The following CAP1 variants were observed in gnomAD, a reference collection of about 807,000 sequenced individuals.
The protein encoded by CAP1 is adenylyl cyclase-associated protein 1.
Under a neutral mutation model 58.2 loss-of-function variants are expected in CAP1, and 11 were observed. The ratio of observed to expected loss-of-function variants is 0.19; its 90% confidence interval spans 0.12 to 0.31. The LOEUF is 0.31. Among genes scored for constraint, CAP1 ranks in the 10% least tolerant of loss-of-function variants. The pLI is 1.00. For synonymous variants in CAP1, 183 were observed against 213.8 expected, an observed-to-expected ratio of 0.86 and a Z score of 1.26; for missense variants, 423 against 587.5, an observed-to-expected ratio of 0.72 and a Z score of 2.89.
In CAP1 at chr1:40,071,664, C is replaced by A; in HGVS notation, c.*131C>A. 1.6e-6 allele frequency: 1 copy of A among 623,288 alleles called. No homozygotes were observed. 38.6% of individuals were successfully genotyped at this position (623,288 alleles called of 1,614,324 possible). A position where few individuals can be genotyped will look rare whatever the true frequency, so the allele number is the denominator to read the frequency against. ...TTCTCTGCTCTGAGAAGCACAGCTA[C>A]CTGCCTTCACTGAAATATACCTCAG... On this transcript the variant is annotated 3_prime_UTR_variant, in exon 13 of 13. Transcript: ENST00000372805.
intron 1 of CAP1, among the ~76,000 whole-genome samples, chr1:40,058,317 C>T (rs781415117): frequency 1.8e-4 from 27 of 152,204 alleles, no homozygotes; most frequent in Admixed American, 1.2e-3. Flanking sequence ...TATTACTCCC[C>T]TCTTTGAAAT....
Position 40,067,677 on chromosome 1 carries a change from AC to A in CAP1, c.769del (p.Leu257CysfsTer15). 1 of 1,595,764 alleles carries A rather than the reference AC, an allele frequency of 6.3e-7. No homozygotes were observed. Among genetic ancestry groups the A allele is most frequent in the Non-Finnish European group, 8.5e-7 (1 of 1,171,406 alleles). ...CSYESASRSSLFAQINQGESI... is the reference protein window; with the variant it reads ...CSYESASRSSXFAQINQGESI... The stretch of plus-strand genomic sequence containing the variant: ...CATATGAGTCTGCTTCCCGCTCATC[AC>A]TGTTCGCGCAGATTAATCAGGGGGA... On this transcript the variant is annotated frameshift_variant, in exon 8 of 13. Coordinates refer to ENST00000372805, the MANE Select transcript of CAP1 (RefSeq NM_006367.4). LOFTEE classifies it high-confidence loss of function.
chr1:40,061,925 T>C (rs953865446), intron 4 of CAP1, 113 bp downstream of exon 4: 16 of 810,056 alleles, frequency 2.0e-5, no homozygotes, highest in Non-Finnish European at 2.5e-5. Flanking sequence ...TTTGATAATA[T>C]ATGTTCATAC....
chr1:40,054,818 TTTA>T (rs1371893238), intron 1 of CAP1, among the ~76,000 whole-genome samples: 1 of 151,958 alleles, frequency 6.6e-6, no homozygotes, highest in East Asian at 1.9e-4. Flanking sequence ...TTTTTGTATG[TTTA>T]GTAGAGATGG....
Position 40,070,449 on chromosome 1 carries a change from C to G in CAP1, c.1137C>G (p.Gly379=). 6.2e-7 allele frequency: 1 copy of G among 1,613,916 alleles called. No individual in the cohort carries two copies. Among genetic ancestry groups the G allele is most frequent in the South Asian group, 1.1e-5 (1 of 91,068 alleles). ...TCCTAGATAACTGTAAGAAACTTGGCCTGGTATTCGATGACGTGGTGGGCA... is the reference window on the plus strand; with the variant it reads ...TCCTAGATAACTGTAAGAAACTTGGGCTGGTATTCGATGACGTGGTGGGCA... The part of the protein sequence containing the change: ...SITVDNCKKL[G]LVFDDVVGIV... The change falls in exon 11 of 13, where the codon GGC becomes GGG. Residue 379 remains glycine (G), a synonymous_variant. Transcript: ENST00000372805.
At position 40,072,443 on chromosome 1, in the gene CAP1, A is replaced by G. The variant is rs1405751623; in HGVS notation, c.*910A>G. The G allele has an allele frequency of 5.2e-6, 1 of 191,836 alleles. No homozygotes were observed. The highest frequency in any genetic ancestry group is 1.1e-5 in the Non-Finnish European group (1 of 95,186). The allele number at this position is 191,836 out of a possible 1,614,324, so 11.9% of individuals were successfully genotyped here. Reference sequence around the variant, plus strand: ...ACTGCAGGCTGGTTTTAGGTCTTGAATTATGTAAGAATCTTGCACAGCACT... The same window carrying G: ...ACTGCAGGCTGGTTTTAGGTCTTGAGTTATGTAAGAATCTTGCACAGCACT... On this transcript the variant is annotated 3_prime_UTR_variant, in exon 13 of 13. Transcript: ENST00000372805.
chr1:40,069,443 A>G, intron 8 of CAP1: 1 of 365,684 alleles, frequency 2.7e-6, no homozygotes, highest in African/African-American at 2.1e-5. Context: ...ATAGAGGATA[A>G]GGATTTACAT....
intron 1 of CAP1, among the ~76,000 whole-genome samples, chr1:40,043,357 C>T (rs1645930996): frequency 1.3e-5 from 2 of 152,092 alleles, no homozygotes; most frequent in Non-Finnish European, 2.9e-5. Flanking sequence ...GCCACCACGC[C>T]CGGCTAATTT....
chr1:40,059,956 C>G, intron 2 of CAP1, 111 bp from the exon 3 acceptor site: 1 of 792,006 alleles, frequency 1.3e-6, no homozygotes, highest in Admixed American at 2.2e-5. Flanking sequence ...TACTCCTGTT[C>G]TGTATCCTGT....
At chr1:40,057,684 T>C (rs567190184) in intron 1 of CAP1, among the ~76,000 whole-genome samples, 3 of 152,336 alleles carry the variant, frequency 2.0e-5, no homozygotes, top group Non-Finnish European at 2.9e-5. Flanking sequence ...TAAATTGAGA[T>C]AATTCTGGCA....
chr1:40,041,341 CT>C (rs969541967), intron 1 of CAP1: 7 of 150,540 alleles, frequency 4.6e-5, no homozygotes, highest in South Asian at 4.2e-4. Context: ...CTGCGTGGAA[CT>C]TTTTTTTTTC....
At chr1:40,046,271 C>G (rs1646096821) in intron 1 of CAP1, among the ~76,000 whole-genome samples, 1 of 152,112 alleles carries the variant, frequency 6.6e-6, no homozygotes, top group South Asian at 2.1e-4. Context: ...GCCTGGCCAA[C>G]ATGGTAAAAC....
chr1:40,059,963 C>A, intron 2 of CAP1, 104 bp from the exon 3 acceptor site: 1 of 845,802 alleles, frequency 1.2e-6, no homozygotes, highest in Non-Finnish European at 2.0e-6. Flanking sequence ...GTTCTGTATC[C>A]TGTTGACTGT....
In CAP1 at chr1:40,061,582, C is replaced by T. The variant is rs1037061259; in HGVS notation, c.217-153C>T. 3.3e-5 allele frequency among the ~76,000 whole-genome samples: 5 copies of T among 152,184 alleles called. No homozygotes were observed. In the East Asian group the frequency reaches 9.6e-4, roughly 29 times the overall value. ...AGGAACAGTAGTGTATGTAATTCTG[C>T]TCTCAGTCCCTGGAATCTGGAATAC... On this transcript the variant is annotated intron_variant, in intron 3 of 12. Coordinates refer to ENST00000372805, the MANE Select transcript of CAP1 (RefSeq NM_006367.4).
intron 1 of CAP1, among the ~76,000 whole-genome samples, chr1:40,052,034 A>G (rs1375775468): frequency 1.3e-5 from 2 of 152,164 alleles, no homozygotes; most frequent in Non-Finnish European, 2.9e-5. Context: ...TAGGCCCACA[A>G]TGCTAAGCAC....
At chr1:40,069,646 G>T (rs369366604) in intron 8 of CAP1, 44 bp from the exon 9 acceptor site, 13 of 1,545,758 alleles carry the variant, frequency 8.4e-6, no homozygotes, top group South Asian at 1.2e-5. Context: ...CAGCTCAAAG[G>T]TCTGGTATGA....
intron 1 of CAP1, among the ~76,000 whole-genome samples, chr1:40,058,577 AT>A (rs1646712709): frequency 6.6e-6 from 1 of 152,162 alleles, no homozygotes; most frequent in South Asian, 2.1e-4. Context: ...ACTACAAAAA[AT>A]TAGCTGGGCA....
chr1:40,055,408 T>G (rs1646568932), intron 1 of CAP1, among the ~76,000 whole-genome samples: 1 of 152,224 alleles, frequency 6.6e-6, no homozygotes, highest in South Asian at 2.1e-4. Flanking sequence ...AGTGTTGAGA[T>G]AGATCACTCT....
intron 1 of CAP1, among the ~76,000 whole-genome samples, chr1:40,053,906 A>T (rs753656106): frequency 6.6e-6 from 1 of 152,244 alleles, no homozygotes; most frequent in Non-Finnish European, 1.5e-5. Flanking sequence ...GAATTACTAT[A>T]TTTAATTGAT....
Sources: gnomAD v4.1 joint callset for allele counts (sites outside exome capture counted in the v4.1 genomes callset) on GRCh38, gnomAD v4.1.1 for gene constraint, MANE v1.5 for transcripts, NCBI Gene and HGNC (gene_info 2026-07-23, HGNC 2026-07-21) for gene names.